TMEM50B: variants seen among roughly 807,000 people sequenced by gnomAD.
TMEM50B encodes transmembrane protein 50B.
A neutral mutation model predicts 23.4 loss-of-function variants in TMEM50B; 14 were observed. The observed-to-expected ratio is 0.60, with a 90% CI of 0.39 to 0.93. The LOEUF (loss-of-function observed/expected upper bound fraction) is 0.93. Ranked by LOEUF, TMEM50B falls within the 40% of genes least tolerant of loss-of-function variation. TMEM50B has a pLI of 0.00. For missense variants in TMEM50B, 159 were observed against 193.0 expected, an observed-to-expected ratio of 0.82 and a Z score of 1.04; for synonymous variants, 64 against 62.3, an observed-to-expected ratio of 1.03 and a Z score of -0.13.
chr21:33,464,521 T>C (rs1601125964), intron 4 of TMEM50B, among the ~76,000 whole-genome samples: 3 of 141,564 alleles, frequency 2.1e-5, no homozygotes, highest in South Asian at 5.3e-4. Context: ...AAAAACACAA[T>C]TGGGCCGGGC....
intron 5 of TMEM50B, among the ~76,000 whole-genome samples, chr21:33,457,821 C>A (rs987225310): frequency 6.6e-6 from 1 of 152,112 alleles, no homozygotes; most frequent in Admixed American, 6.6e-5. Context: ...TAACCTGAGG[C>A]TATCTCCCTA....
chr21:33,447,774 G>A (rs2084078120), downstream of TMEM50B, among the ~76,000 whole-genome samples: 1 of 150,878 alleles, frequency 6.6e-6, no homozygotes, highest in South Asian at 2.1e-4. Flanking sequence ...AGTGGCAACA[G>A]CACAAGGAAT....
At chr21:33,451,465 G>A (rs1350923910) in intron 6 of TMEM50B, among the ~76,000 whole-genome samples, 1 of 152,154 alleles carries the variant, frequency 6.6e-6, no homozygotes, top group Non-Finnish European at 1.5e-5. Context: ...AATGAGAGGT[G>A]CACAGTATCC....
intron 8 of TMEM50B, among the ~76,000 whole-genome samples, chr21:33,434,126 G>C (rs1191542186): frequency 6.6e-6 from 1 of 152,186 alleles, no homozygotes; most frequent in East Asian, 1.9e-4. Context: ...TTATTTTCCT[G>C]CATAACCCCA....
chr21:33,476,578 G>A (rs1295960885), intron 1 of TMEM50B, among the ~76,000 whole-genome samples: 1 of 151,378 alleles, frequency 6.6e-6, no homozygotes, highest in Non-Finnish European at 1.5e-5. Flanking sequence ...TGGCTAAAAC[G>A]ATGAAACCCC....
rs540095218 is a variant in TMEM50B at position 33,441,145 on chromosome 21, G to A, written c.*2037-1848C>T. Among the ~76,000 whole-genome samples, 21 of 151,818 alleles carry A rather than the reference G, an allele frequency of 1.4e-4. No individual in the cohort carries two copies. In the East Asian group the frequency reaches 3.7e-3, roughly 27 times the overall value. ...TTCAGGAGGCTGAGGCAGGAGAATCGGTTGAACCCACAAGGTGGAAGTTGC... is the reference window on the plus strand; with the variant it reads ...TTCAGGAGGCTGAGGCAGGAGAATCAGTTGAACCCACAAGGTGGAAGTTGC... On this transcript the variant is annotated intron_variant and NMD_transcript_variant, in intron 7 of 8. Transcript: ENST00000420455.
intron 1 of TMEM50B, among the ~76,000 whole-genome samples, chr21:33,470,100 GAAAT>G (rs2084299008): frequency 8.3e-6 from 1 of 119,972 alleles, no homozygotes; most frequent in South Asian, 2.6e-4. Context: ...ATTCTAGAAA[GAAAT>G]AAAAAAAAAA....
chr21:33,470,350 G>A (rs555059572), intron 1 of TMEM50B, among the ~76,000 whole-genome samples: 2 of 150,162 alleles, frequency 1.3e-5, no homozygotes, highest in Admixed American at 6.7e-5. Context: ...GCTTGAACCC[G>A]GGAGGCGAAG....
Position 33,449,750 on chromosome 21 carries a change from T to C in TMEM50B, c.*1068A>G, listed in dbSNP as rs1164679181. On this transcript the variant is annotated 3_prime_UTR_variant, in exon 7 of 7. Transcript: ENST00000542230. The stretch of plus-strand genomic sequence containing the variant: ...ATTCCACTTTTTGTTAAATGGTTCA[T>C]GCTTTTAAACTGCGATTGTCTCAAA... 9.8e-5 allele frequency: 15 copies of C among 152,702 alleles called. No homozygotes were observed. Among genetic ancestry groups the C allele is most frequent in the Non-Finnish European group, 2.2e-4 (15 of 68,052 alleles). The allele number at this position is 152,702 out of a possible 1,614,324, so 9.5% of individuals were successfully genotyped here. A position where few individuals can be genotyped will look rare whatever the true frequency, so the allele number is the denominator to read the frequency against.
chr21:33,437,429 GTAAT>G (rs1386298787), intron 8 of TMEM50B: 1 of 159,156 alleles, frequency 6.3e-6, no homozygotes, highest in African/African-American at 2.4e-5. Context: ...GGCTTAAAAT[GTAAT>G]TAATCTTGTA....
chr21:33,445,444 T>A (rs2084044192), downstream of TMEM50B, among the ~76,000 whole-genome samples: 1 of 152,280 alleles, frequency 6.6e-6, no homozygotes, highest in African/African-American at 2.4e-5. Context: ...TAGCATGGCA[T>A]GCCACCTTGT....
chr21:33,449,813 C>CA lies in TMEM50B; in HGVS notation c.*1004dup, dbSNP rs1367836726. 9 of 152,572 alleles carry CA rather than the reference C, an allele frequency of 5.9e-5. No individual in the cohort carries two copies. The highest frequency in any genetic ancestry group is 5.2e-4 in the Admixed American group (8 of 15,270). The allele number at this position is 152,572 out of a possible 1,614,324, so 9.5% of individuals were successfully genotyped here. Reference sequence around the variant, plus strand: ...TGAATTGTGTAACATCAGATAATGGCAAGTTGTCAAAAGATAACCCCAGTG... The same window carrying CA: ...TGAATTGTGTAACATCAGATAATGGCAAAGTTGTCAAAAGATAACCCCAGTG... On this transcript the variant is annotated 3_prime_UTR_variant, in exon 7 of 7. Transcript: ENST00000542230.
rs541297446 is a variant in TMEM50B, at chr21:33,450,814, G to A, written c.*4C>T. ...AAAAGGAAAATGTGACTTAAGAAGT[G>A]ATCTCAGGTCCATAGCTCTTCGGTT... On this transcript the variant is annotated 3_prime_UTR_variant, in exon 7 of 7. Coordinates refer to ENST00000542230, the MANE Select transcript of TMEM50B (RefSeq NM_006134.7). 1.2e-4 allele frequency: 195 copies of A among 1,611,444 alleles called. No homozygotes were observed. Among genetic ancestry groups the A allele is most frequent in the Non-Finnish European group, 1.6e-4 (185 of 1,178,730 alleles).
At position 33,464,804 on chromosome 21, in the gene TMEM50B, C is replaced by CAAAAAAAAAAAAAAAAAAAAAA. The variant is rs59855166; in HGVS notation, c.280+537_280+538insTTTTTTTTTTTTTTTTTTTTTT. ...GGGAAAGAAGAGCTAAACTCCGTCTCAAAAAAAAAAAAAAAAAAAACAAAA... is the reference window on the plus strand; with the variant it reads ...GGGAAAGAAGAGCTAAACTCCGTCTCAAAAAAAAAAAAAAAAAAAAAAAAAAAAAAAAAAAAAAAAAACAAAA... On this transcript the variant is annotated intron_variant, in intron 4 of 6. Coordinates refer to ENST00000542230, the MANE Select transcript of TMEM50B (RefSeq NM_006134.7). 2.5e-3 allele frequency among the ~76,000 whole-genome samples: 248 copies of CAAAAAAAAAAAAAAAAAAAAAA among 100,790 alleles called. 4 individuals carry two copies. Among genetic ancestry groups the CAAAAAAAAAAAAAAAAAAAAAA allele is most frequent in the Middle Eastern group, 0.01 (2 of 200 alleles). The allele number at this position is 100,790 out of a possible 152,430, so 66.1% of individuals were successfully genotyped here. A position where few individuals can be genotyped will look rare whatever the true frequency, so the allele number is the denominator to read the frequency against.
At chr21:33,452,902 C>T (rs1394390063) in intron 6 of TMEM50B, among the ~76,000 whole-genome samples, 3 of 151,838 alleles carry the variant, frequency 2.0e-5, no homozygotes, top group Non-Finnish European at 4.4e-5. Context: ...TCTGTGTGTT[C>T]AAGGTGGAAG....
At chr21:33,454,317 G>A (rs944792899) in intron 6 of TMEM50B, among the ~76,000 whole-genome samples, 22 of 151,816 alleles carry the variant, frequency 1.4e-4, no homozygotes, top group African/African-American at 5.3e-4. Flanking sequence ...TTATTATTTT[G>A]ATATGGAGTC....
At chr21:33,437,911 A>G (rs958887594) in intron 8 of TMEM50B, among the ~76,000 whole-genome samples, 2 of 150,402 alleles carry the variant, frequency 1.3e-5, no homozygotes, top group African/African-American at 4.9e-5. Context: ...TTAGCCTGGG[A>G]GGCGGAGGTT....
chr21:33,446,236 T>A (rs375998451), downstream of TMEM50B, among the ~76,000 whole-genome samples: 13,811 of 138,278 alleles, frequency 0.1, 851 homozygotes, highest in East Asian at 0.26. Flanking sequence ...TTTTTTTATT[T>A]TTTATTTTTT....
At chr21:33,473,263 G>A (rs1428860916) in intron 1 of TMEM50B, among the ~76,000 whole-genome samples, 1 of 152,006 alleles carries the variant, frequency 6.6e-6, no homozygotes, top group East Asian at 1.9e-4. Context: ...GACCAGCCTG[G>A]GCAACATGGA....
Sources: allele counts gnomAD v4.1 joint callset (sites outside exome capture counted in the v4.1 genomes callset), GRCh38; gene constraint gnomAD v4.1.1; transcripts MANE v1.5; gene names NCBI Gene and HGNC (gene_info 2026-07-23, HGNC 2026-07-21).